NPFFR1: variants seen among roughly 807,000 people sequenced by gnomAD.
NPFFR1 encodes G-protein coupled receptor 147.
NPFFR1 carries 17 observed loss-of-function variants against 12.7 expected under a neutral mutation model. The ratio of observed to expected loss-of-function variants is 1.34; its 90% CI spans 0.92 to 2.01. The LOEUF (loss-of-function observed/expected upper bound fraction) is 2.01, where lower values mean the gene tolerates loss of function less well. NPFFR1 is among the 30% of genes most tolerant of loss of function. The pLI is 0.00. For missense variants in NPFFR1, 604 were observed against 606.5 expected, an observed-to-expected ratio of 1.00 and a Z score of 0.04; for synonymous variants, 296 against 264.5, an observed-to-expected ratio of 1.12 and a Z score of -1.16.
At chr10:70,270,066 T>A (rs1840731674) in intron 1 of NPFFR1, among the ~76,000 whole-genome samples, 1 of 152,228 alleles carries the variant, frequency 6.6e-6, no homozygotes, top group African/African-American at 2.4e-5. Flanking sequence ...GTTGATTGTC[T>A]TTTTCCCCAT....
intron 1 of NPFFR1, among the ~76,000 whole-genome samples, chr10:70,267,111 A>G (rs887349079): frequency 6.6e-6 from 1 of 152,208 alleles, no homozygotes; most frequent in South Asian, 2.1e-4. Flanking sequence ...CAATTATTAT[A>G]CCCTCAAACT....
chr10:70,257,829 G>A (rs141071564), intron 3 of NPFFR1, among the ~76,000 whole-genome samples: 216 of 152,356 alleles, frequency 1.4e-3, no homozygotes, highest in African/African-American at 3.3e-3. Context: ...GTTTGCAGCA[G>A]TGCTGCCTTG....
At position 70,252,714 on chromosome 10, in the gene NPFFR1, C is replaced by T. The variant is rs1564591974; in HGVS notation, c.*2243G>A. On this transcript the variant is annotated 3_prime_UTR_variant, in exon 4 of 4. Coordinates refer to ENST00000277942, the MANE Select transcript of NPFFR1 (RefSeq NM_022146.5). Reference sequence around the variant, plus strand: ...AAAATATGTTAATTGTAACCTTCAGCGAGAGCTGAAGGAGTTTTTTGGGCA... The same window carrying T: ...AAAATATGTTAATTGTAACCTTCAGTGAGAGCTGAAGGAGTTTTTTGGGCA... The T allele has an allele frequency of 6.6e-6, 1 of 152,156 alleles. No individual in the cohort carries two copies. The highest frequency in any genetic ancestry group is 1.5e-5 in the Non-Finnish European group (1 of 68,030). The allele number at this position is 152,156 out of a possible 1,614,324, so 9.4% of individuals were successfully genotyped here.
chr10:70,269,114 A>G, intron 1 of NPFFR1, among the ~76,000 whole-genome samples: 1 of 152,078 alleles, frequency 6.6e-6, no homozygotes, highest in East Asian at 1.9e-4. Flanking sequence ...GTCATTTTAC[A>G]TGTTCTGCTC....
At position 70,249,469 on chromosome 10, in the gene NPFFR1, A is replaced by G. The variant is rs1840487987; in HGVS notation, c.*5488T>C. ...GGCAAGTTTTTGTGCTAAAGTCTCTACAATAAAATATTATTATTATTATTA... is the reference window on the plus strand; with the variant it reads ...GGCAAGTTTTTGTGCTAAAGTCTCTGCAATAAAATATTATTATTATTATTA... On this transcript the variant is annotated 3_prime_UTR_variant, in exon 4 of 4. Transcript: ENST00000277942. 1 of 151,704 alleles carries G rather than the reference A, an allele frequency of 6.6e-6. No individual in the cohort carries two copies. The highest frequency in any genetic ancestry group is 1.5e-5 in the Non-Finnish European group (1 of 67,946). The allele number at this position is 151,704 out of a possible 1,614,324, so 9.4% of individuals were successfully genotyped here.
At position 70,260,805 on chromosome 10, in the gene NPFFR1, C is replaced by T. The variant is rs991655773; in HGVS notation, c.323-66G>A. 3.6e-6 allele frequency: 5 copies of T among 1,390,282 alleles called. No individual in the cohort carries two copies. In the African/African-American group the frequency reaches 5.7e-5, roughly 16 times the overall value. The allele number at this position is 1,390,282 out of a possible 1,614,324, so 86.1% of individuals were successfully genotyped here. A position where few individuals can be genotyped will look rare whatever the true frequency, so the allele number is the denominator to read the frequency against. Reference sequence around the variant, plus strand: ...GCATCAAGAGCCAGAGACTGAAAGCCCTCCAAGCCAGGTCCCCTCTGAGCT... The same window carrying T: ...GCATCAAGAGCCAGAGACTGAAAGCTCTCCAAGCCAGGTCCCCTCTGAGCT... On this transcript the variant is annotated intron_variant, in intron 2 of 3. Coordinates refer to ENST00000277942, the MANE Select transcript of NPFFR1 (RefSeq NM_022146.5).
Position 70,255,481 on chromosome 10 carries a change from C to A in NPFFR1, c.769G>T (p.Ala257Ser). 1.3e-6 allele frequency: 2 copies of A among 1,548,090 alleles called. No homozygotes were observed. Among genetic ancestry groups the A allele is most frequent in the Non-Finnish European group, 1.7e-6 (2 of 1,145,728 alleles). ...CTGCGCCGCGATGCTCGCGGGTCCGCAGCCTCCTCGCCCCCGGGGGCCGGG... is the reference window on the plus strand; with the variant it reads ...CTGCGCCGCGATGCTCGCGGGTCCGAAGCCTCCTCGCCCCCGGGGGCCGGG... The part of the protein sequence containing the change: ...PGPAPGGEEA[A>S]DPRASRRRAR... The change falls in exon 4 of 4, where the codon GCG becomes TCG. Residue 257 changes from alanine to serine, a missense_variant. Ala to Ser is a moderately conservative substitution (Grantham distance 99). Transcript: ENST00000277942. The surrounding 1 kb of genome is among the most constrained non-coding windows in gnomAD (Gnocchi z 4.2).
chr10:70,276,678 C>T (rs891834847), intron 1 of NPFFR1, among the ~76,000 whole-genome samples: 18 of 150,104 alleles, frequency 1.2e-4, no homozygotes, highest in Non-Finnish European at 2.7e-4. Context: ...ACCTTCACCT[C>T]CCGGGTTCAA....
intron 1 of NPFFR1, among the ~76,000 whole-genome samples, chr10:70,276,584 C>CTTTTTT (rs57759018): frequency 1.7e-5 from 2 of 117,338 alleles, no homozygotes; most frequent in Non-Finnish European, 3.4e-5. Context: ...ATGTTTGTAT[C>CTTTTTT]TTTTTTTTTT....
At chr10:70,263,721 C>T (rs1236924489) in intron 2 of NPFFR1, among the ~76,000 whole-genome samples, 1 of 151,980 alleles carries the variant, frequency 6.6e-6, no homozygotes, top group South Asian at 2.1e-4. Context: ...AGTGAAATCA[C>T]ATAGTGCCAT....
At chr10:70,263,217 C>T (rs16927396) in intron 2 of NPFFR1, among the ~76,000 whole-genome samples, 2,026 of 152,238 alleles carry the variant, frequency 0.013, 115 homozygotes, top group East Asian at 0.098. Context: ...GAACTATACA[C>T]TTAAAAAGGC....
intron 1 of NPFFR1, among the ~76,000 whole-genome samples, chr10:70,267,452 C>T (rs752117063): frequency 6.6e-6 from 1 of 152,016 alleles, no homozygotes; most frequent in African/African-American, 2.4e-5. Context: ...ATTGAATTAC[C>T]CTAAGGTGTT....
At position 70,255,920 on chromosome 10, in the gene NPFFR1, A is replaced by C; in HGVS notation, c.423-93T>G. The C allele has an allele frequency of 7.3e-7, 1 of 1,374,742 alleles. No homozygotes were observed. Among genetic ancestry groups the C allele is most frequent in the Non-Finnish European group, 9.9e-7 (1 of 1,010,226 alleles). The allele number at this position is 1,374,742 out of a possible 1,614,324, so 85.2% of individuals were successfully genotyped here. A position where few individuals can be genotyped will look rare whatever the true frequency, so the allele number is the denominator to read the frequency against. ...GGGATGCGGGCACCTGACCTTCATC[A>C]TCGCATCTAGGGCGGCGTCGAAGAA... On this transcript the variant is annotated intron_variant, in intron 3 of 3. Coordinates refer to ENST00000277942, the MANE Select transcript of NPFFR1 (RefSeq NM_022146.5). The surrounding 1 kb of genome is among the most constrained non-coding windows in gnomAD (Gnocchi z 4.2).
chr10:70,283,426 TTC>T (rs1218022991), intron 1 of NPFFR1, among the ~76,000 whole-genome samples: 2 of 150,932 alleles, frequency 1.3e-5, no homozygotes, highest in East Asian at 3.9e-4. Context: ...ATCTGTCTCT[TTC>T]TGTCTGTCTG....
intron 1 of NPFFR1, chr10:70,277,915 G>T: frequency 2.0e-6 from 1 of 512,208 alleles, no homozygotes; most frequent in Non-Finnish European, 3.9e-6. Flanking sequence ...AGACTGCAGT[G>T]TCTGTCTCTA....
chr10:70,268,637 C>T (rs1275399200), intron 1 of NPFFR1, among the ~76,000 whole-genome samples: 4 of 152,108 alleles, frequency 2.6e-5, no homozygotes, highest in Non-Finnish European at 5.9e-5. Flanking sequence ...GCTGGGATGT[C>T]TCAGTTCTCC....
At chr10:70,265,971 C>A in intron 2 of NPFFR1, 106 bp downstream of exon 2, 1 of 1,099,638 alleles carries the variant, frequency 9.1e-7, no homozygotes, top group Non-Finnish European at 1.3e-6. Flanking sequence ...GGCCAAGAGG[C>A]CAGCCCAGCA....
At position 70,282,365 on chromosome 10, in the gene NPFFR1, G is replaced by A. The variant is rs1291149177; in HGVS notation, c.7+1305C>T. Among the ~76,000 whole-genome samples, 12 of 152,040 alleles carry A rather than the reference G, an allele frequency of 7.9e-5. No homozygotes were observed. In the South Asian group the frequency reaches 1.2e-3, roughly 16 times the overall value. ...GCTCTTGTCTTTGCCAATTTCCCCC[G>A]ACTTCTGTTCACTGGAGCTTCAGGG... On this transcript the variant is annotated intron_variant, in intron 1 of 3. Transcript: ENST00000277942.
At chr10:70,273,105 C>T (rs1840766704) in intron 1 of NPFFR1, among the ~76,000 whole-genome samples, 1 of 152,210 alleles carries the variant, frequency 6.6e-6, no homozygotes, top group African/African-American at 2.4e-5. Context: ...GTCACTGGTT[C>T]TTGGCCCTGA....
Sources: allele counts gnomAD v4.1 joint callset (sites outside exome capture counted in the v4.1 genomes callset), GRCh38; gene constraint gnomAD v4.1.1; non-coding constraint Gnocchi (gnomAD v3.1); transcripts MANE v1.5; gene names NCBI Gene and HGNC (gene_info 2026-07-23, HGNC 2026-07-21).